Variants in XIST observed in about 807,000 individuals in gnomAD.
XIST encodes the protein X inactive specific transcript.
rs373309501 is a variant in XIST, at chrX:73,848,815, C to T, written n.3909G>A. On this transcript the variant is annotated non_coding_transcript_exon_variant, in exon 1 of 6. Transcript: ENST00000429829. ...GCAATGGCAAAGAGGACATCCTAGACTAATGAGTGGGACTATGGGCAATTA... is the reference window on the plus strand; with the variant it reads ...GCAATGGCAAAGAGGACATCCTAGATTAATGAGTGGGACTATGGGCAATTA... 5 of 556,818 alleles carry T rather than the reference C, an allele frequency of 9.0e-6. No individual in the cohort carries two copies. The African/African-American group carries it at 1.1e-4, about 12-fold the overall frequency. 45.9% of individuals were successfully genotyped at this position (556,818 alleles called of 1,213,427 possible).
At chrX:73,847,736 T>C (rs1366975716) in exon 1 of XIST, 1 of 556,630 alleles carries the variant, frequency 1.8e-6, no homozygotes, top group Non-Finnish European at 3.2e-6. Flanking sequence ...TCATGGATAA[T>C]TAGAAATACA....
At chrX:73,849,875 G>C in exon 1 of XIST, 1 of 383,135 alleles carries the variant, frequency 2.6e-6, no homozygotes, top group East Asian at 6.3e-5. Context: ...TGGGGCTGGG[G>C]CAGGGCTGGG....
exon 1 of XIST, chrX:73,850,679 CAGAGGGGG>C (rs1569512858): frequency 2.4e-6 from 1 of 411,226 alleles, no homozygotes; most frequent in African/African-American, 3.5e-5. Context: ...CAGGGCAGAC[CAGAGGGGG>C]GTAGGGGGGT....
At position 73,824,505 on chromosome X, in the gene XIST, G is replaced by A. The variant is rs769637686; in HGVS notation, n.15396C>T. ...GTGCCTTTAACAGTGAGTTCACATA[G>A]TAGGCAATCAAAATTGATCTATTTA... On this transcript the variant is annotated non_coding_transcript_exon_variant, in exon 6 of 6. Transcript: ENST00000429829. The A allele has an allele frequency of 1.6e-5, 9 of 557,106 alleles. No homozygotes were observed. In the East Asian group the frequency reaches 2.9e-4, roughly 18 times the overall value. 45.9% of individuals were successfully genotyped at this position (557,106 alleles called of 1,213,427 possible).
intron 2 of XIST, among the ~76,000 whole-genome samples, chrX:73,836,239 T>C (rs903555677): frequency 8.9e-6 from 1 of 112,295 alleles, no homozygotes; most frequent in Non-Finnish European, 1.9e-5. Context: ...AAAATGTGGA[T>C]TGAAGTAAAT....
At chrX:73,825,791 G>A (rs1922236498) in exon 6 of XIST, 6 of 524,203 alleles carry the variant, frequency 1.1e-5, no homozygotes, top group Non-Finnish European at 2.1e-5. Context: ...CTGCATGATT[G>A]CCAATACACT....
exon 1 of XIST, chrX:73,841,837 T>C: frequency 1.9e-6 from 1 of 513,809 alleles, no homozygotes. Context: ...CCTCTGCATA[T>C]GTTCCCTCAT....
At chrX:73,820,697 C>A (rs1922089335) in exon 6 of XIST, 4 of 545,721 alleles carry the variant, frequency 7.3e-6, no homozygotes, top group Non-Finnish European at 1.3e-5. Context: ...GCAACCAACT[C>A]CCCAGTTTGT....
At chrX:73,827,814 T>C (rs1166091680) in exon 6 of XIST, 1 of 532,056 alleles carries the variant, frequency 1.9e-6, no homozygotes, top group Admixed American at 2.5e-5. Context: ...AAATGAAAAA[T>C]GAGAGATATG....
chrX:73,849,498 G>A (rs1406882379), exon 1 of XIST: 1 of 558,988 alleles, frequency 1.8e-6, no homozygotes, highest in East Asian at 3.2e-5. Flanking sequence ...CAATGACAGA[G>A]AAATGGTTTC....
chrX:73,845,816 TGGGGGTGGGGG>T (rs1922741421), exon 1 of XIST: 1 of 118,933 alleles, frequency 8.4e-6, no homozygotes, highest in African/African-American at 2.2e-4. Flanking sequence ...AGACTGGGAG[TGGGGGTGGGGG>T]CGGGGGGAAG....
At chrX:73,849,167 T>C (rs1309726484) in exon 1 of XIST, 7 of 559,191 alleles carry the variant, frequency 1.3e-5, no homozygotes, top group Admixed American at 1.1e-4. Context: ...GATTAATGGG[T>C]GAGACAATTA....
chrX:73,847,768 G>T lies in XIST; in HGVS notation n.4956C>A, dbSNP rs749875118. ...TACACATTAAGAGTCCCAAGAGAAG[G>T]ACTCTGGGTTTCCAGCATCCCTTTC... On this transcript the variant is annotated non_coding_transcript_exon_variant, in exon 1 of 6. Transcript: ENST00000429829. 4.7e-5 allele frequency: 26 copies of T among 556,880 alleles called. No homozygotes were observed. The South Asian group carries it at 5.8e-4, about 12-fold the overall frequency. 45.9% of individuals were successfully genotyped at this position (556,880 alleles called of 1,213,427 possible).
exon 1 of XIST, chrX:73,843,067 G>A: frequency 1.8e-6 from 1 of 558,432 alleles, no homozygotes; most frequent in Non-Finnish European, 3.2e-6. Context: ...ACTTTATTAT[G>A]CCATGGGAAA....
chrX:73,825,300 C>A (rs1198312452), exon 6 of XIST: 1 of 557,678 alleles, frequency 1.8e-6, no homozygotes, highest in Non-Finnish European at 3.2e-6. Flanking sequence ...ATAATTTATT[C>A]ATTTATCAAA....
intron 4 of XIST, among the ~76,000 whole-genome samples, chrX:73,829,790 C>CA (rs752287639): frequency 0.12 from 2,946 of 23,858 alleles, 239 homozygotes; most frequent in East Asian, 0.38. Flanking sequence ...AACTCCATCT[C>CA]AAAAAAAAAA....
exon 6 of XIST, chrX:73,823,759 C>A (rs765752635): frequency 3.6e-6 from 2 of 558,503 alleles, no homozygotes; most frequent in Non-Finnish European, 6.5e-6. Context: ...TAGTACACTG[C>A]CTTATATTAG....
At chrX:73,849,592 A>G (rs768693099) in exon 1 of XIST, 10 of 556,242 alleles carry the variant, frequency 1.8e-5, no homozygotes, top group Non-Finnish European at 3.2e-5. Flanking sequence ...CTCAATTGAC[A>G]TTCCCTAACT....
At chrX:73,846,664 G>A (rs770248375) in exon 1 of XIST, 2 of 559,021 alleles carry the variant, frequency 3.6e-6, no homozygotes. Context: ...CTGCTGGAAG[G>A]GAAAAGTGGG....
Sources: allele counts gnomAD v4.1 joint callset (sites outside exome capture counted in the v4.1 genomes callset), GRCh38; gene constraint gnomAD v4.1.1; transcripts MANE v1.5; gene names NCBI Gene and HGNC (gene_info 2026-07-23, HGNC 2026-07-21).